The following FAF1 variants were observed in gnomAD, a reference collection of about 807,000 sequenced individuals.
The protein encoded by FAF1 is Fas associated factor 1, also known as FAS-associated factor 1.
A neutral mutation model predicts 92.5 loss-of-function variants in FAF1; 25 were observed. The ratio of observed to expected loss-of-function variants is 0.27; its 90% CI spans 0.20 to 0.38. FAF1 has a LOEUF of 0.38. FAF1 is among the 10% of genes least tolerant of loss of function. The pLI, the probability that FAF1 is intolerant of heterozygous loss-of-function variation, is 1.00. For missense variants in FAF1, 636 were observed against 793.3 expected (o/e 0.80, Z 2.38); for synonymous variants, 234 against 273.2 (o/e 0.86, Z 1.42).
chr1:50,491,093 C>T lies in FAF1; in HGVS notation c.1576-428G>A, dbSNP rs547539653. Among the ~76,000 whole-genome samples, 3 of 152,292 alleles carry T rather than the reference C, an allele frequency of 2.0e-5. No individual in the cohort carries two copies. In the South Asian group the frequency reaches 6.2e-4, roughly 32 times the overall value. On this transcript the variant is annotated intron_variant, in intron 16 of 18. Transcript: ENST00000396153. ...CCTCTTCCCTCCTACTGCTCTTTCT[C>T]TGTCCAGTTCACATATACCATCTCT...
chr1:50,596,672 C>G (rs376277996), intron 8 of FAF1, among the ~76,000 whole-genome samples: 1 of 152,302 alleles, frequency 6.6e-6, no homozygotes, highest in South Asian at 2.1e-4. Context: ...TAGGTTTTAT[C>G]ATAAAGGAAG....
chr1:50,559,601 T>C (rs777168303), intron 13 of FAF1, among the ~76,000 whole-genome samples: 1 of 152,234 alleles, frequency 6.6e-6, no homozygotes, highest in Non-Finnish European at 1.5e-5. Context: ...CAATTGCTGC[T>C]GGCAGAACGC....
At chr1:50,539,759 T>C (rs1351100464) in intron 13 of FAF1, 31 bp from the exon 14 acceptor site, 1 of 1,572,990 alleles carries the variant, frequency 6.4e-7, no homozygotes, top group Admixed American at 1.7e-5. Context: ...AAGTAAGTTT[T>C]GCTTTGTAGT....
chr1:50,904,081 T>C (rs577811345), intron 1 of FAF1, among the ~76,000 whole-genome samples: 14 of 152,352 alleles, frequency 9.2e-5, no homozygotes, highest in African/African-American at 2.9e-4. Flanking sequence ...TCAACGTTCA[T>C]AGCAGCATTA....
intron 14 of FAF1, among the ~76,000 whole-genome samples, chr1:50,538,720 T>C (rs1362155416): frequency 6.6e-6 from 1 of 152,160 alleles, no homozygotes; most frequent in African/African-American, 2.4e-5. Context: ...ATCTTCATTA[T>C]CCATTTACCC....
chr1:50,925,028 G>A (rs1557591387), intron 1 of FAF1, among the ~76,000 whole-genome samples: 1 of 152,128 alleles, frequency 6.6e-6, no homozygotes, highest in Non-Finnish European at 1.5e-5. Flanking sequence ...CAACAGAACA[G>A]AGAACCTTGA....
chr1:50,441,504 T>A lies in FAF1; in HGVS notation c.1889A>T (p.Asn630Ile). ...CAACTTTACCTCCAATAATGATTTATTTGGGTCCAGTTGAGTTACCTAAAA... is the reference window on the plus strand; with the variant it reads ...CAACTTTACCTCCAATAATGATTTAATTGGGTCCAGTTGAGTTACCTAAAA... ...PRRDVTQLDP[N>I]KSLLEVKLFP... The change falls in exon 19 of 19, where the codon AAT becomes ATT. Residue 630 changes from asparagine (N) to isoleucine (I), a missense_variant. This residue lies in a region of FAF1 where 319 missense variants were observed against 451.0 expected (regional missense o/e 0.71). Coordinates refer to ENST00000396153, the MANE Select transcript of FAF1 (RefSeq NM_007051.3). 1 of 1,544,764 alleles carries A rather than the reference T, an allele frequency of 6.5e-7. No homozygotes were observed. Among genetic ancestry groups the A allele is most frequent in the Non-Finnish European group, 8.8e-7 (1 of 1,141,694 alleles).
At chr1:50,468,324 G>C (rs1418921817) in intron 18 of FAF1, among the ~76,000 whole-genome samples, 2 of 151,812 alleles carry the variant, frequency 1.3e-5, no homozygotes, top group Admixed American at 6.6e-5. Flanking sequence ...ACAGAGTCTT[G>C]CTCTGTCTCC....
chr1:50,804,271 A>G (rs1662109021), intron 2 of FAF1, among the ~76,000 whole-genome samples: 1 of 152,212 alleles, frequency 6.6e-6, no homozygotes, highest in Admixed American at 6.5e-5. Context: ...TAACTGAAAA[A>G]TCACAGCTAC....
intron 1 of FAF1, among the ~76,000 whole-genome samples, chr1:50,876,586 T>C (rs1644573773): frequency 6.6e-6 from 1 of 152,114 alleles, no homozygotes; most frequent in African/African-American, 2.4e-5. Context: ...CATTTGTTTT[T>C]TTGTTTTGTT....
At chr1:50,916,025 T>A (rs147964170) in intron 1 of FAF1, among the ~76,000 whole-genome samples, 4 of 152,336 alleles carry the variant, frequency 2.6e-5, no homozygotes, top group African/African-American at 9.6e-5. Context: ...CTCTGTTTGA[T>A]AATTCCAGCC....
At chr1:50,836,814 G>T (rs1056046906) in intron 2 of FAF1, among the ~76,000 whole-genome samples, 2 of 151,962 alleles carry the variant, frequency 1.3e-5, no homozygotes, top group East Asian at 3.9e-4. Context: ...TAAGAATAAG[G>T]ATATTCTCTT....
At chr1:50,477,702 C>T (rs907823644) in intron 17 of FAF1, among the ~76,000 whole-genome samples, 2 of 152,146 alleles carry the variant, frequency 1.3e-5, no homozygotes, top group African/African-American at 4.8e-5. Flanking sequence ...TTACAGCATT[C>T]ACTATTTAGT....
chr1:50,518,851 CTG>C (rs1419025004), intron 15 of FAF1, among the ~76,000 whole-genome samples: 2 of 152,148 alleles, frequency 1.3e-5, no homozygotes, highest in African/African-American at 2.4e-5. Context: ...TGCCATGAAA[CTG>C]TTTATCAGAG....
chr1:50,653,910 C>T (rs1027606732), intron 8 of FAF1, among the ~76,000 whole-genome samples: 1 of 152,056 alleles, frequency 6.6e-6, no homozygotes, highest in African/African-American at 2.4e-5. Flanking sequence ...TCAGGTAATC[C>T]ACCGGCTTCG....
At chr1:50,682,542 C>A (rs1420533944) in intron 7 of FAF1, among the ~76,000 whole-genome samples, 3 of 152,094 alleles carry the variant, frequency 2.0e-5, no homozygotes, top group African/African-American at 7.2e-5. Context: ...ATTTTACCAA[C>A]AAAATATTAA....
rs58392694 is a variant in FAF1 at position 50,543,756 on chromosome 1, GT to G, written c.1269-4029del. Among the ~76,000 whole-genome samples, 1,256 of 145,584 alleles carry G rather than the reference GT, an allele frequency of 8.6e-3. 15 individuals carry two copies. Among genetic ancestry groups the G allele is most frequent in the African/African-American group, 0.029 (1,149 of 40,038 alleles). ...TGTTGACTAAACCAACACTGTCACT[GT>G]TTTTTTTTTTCCATTCAGAAAATGA... On this transcript the variant is annotated intron_variant, in intron 13 of 18. Transcript: ENST00000396153.
intron 4 of FAF1, among the ~76,000 whole-genome samples, chr1:50,754,298 C>A (rs2124515377): frequency 6.6e-6 from 1 of 152,256 alleles, no homozygotes. Flanking sequence ...TTGTGTTTTG[C>A]TTTTAAGATT....
intron 1 of FAF1, among the ~76,000 whole-genome samples, chr1:50,938,035 A>G (rs1289824334): frequency 6.6e-6 from 1 of 152,198 alleles, no homozygotes; most frequent in Non-Finnish European, 1.5e-5. Context: ...AATTAAAGAC[A>G]CTGTTTTTTT....
Sources: gnomAD v4.1 joint callset for allele counts (sites outside exome capture counted in the v4.1 genomes callset) on GRCh38, gnomAD v4.1.1 for gene constraint, gnomAD v4.1.1 regional missense constraint, MANE v1.5 for transcripts, NCBI Gene and HGNC (gene_info 2026-07-23, HGNC 2026-07-21) for gene names.